The following CSTPP1 variants were observed in gnomAD, a reference collection of about 807,000 sequenced individuals.
CSTPP1 encodes UPF0705 protein C11orf49.
chr11:46,966,793 T>C, the CSTPP1 span, among the ~76,000 whole-genome samples: 1 of 152,242 alleles, frequency 6.6e-6, no homozygotes, highest in Non-Finnish European at 1.5e-5. Context: ...TAATATTTAC[T>C]GTATCTTCAA....
At chr11:47,163,991 T>C in the CSTPP1 span, 1 of 1,348,834 alleles carries the variant, frequency 7.4e-7, no homozygotes, top group South Asian at 1.5e-5. Context: ...CAGTCAAGCC[T>C]ACTGCCGTGA....
the CSTPP1 span, among the ~76,000 whole-genome samples, chr11:47,024,082 C>T: frequency 6.6e-6 from 1 of 150,760 alleles, no homozygotes; most frequent in East Asian, 1.9e-4. Context: ...GAGACAGGGT[C>T]TCACTTTGTT....
the CSTPP1 span, among the ~76,000 whole-genome samples, chr11:47,027,578 A>G: frequency 6.6e-6 from 1 of 152,356 alleles, no homozygotes; most frequent in East Asian, 1.9e-4. Context: ...GAAAGAAACT[A>G]ACTCTGCTAC....
chr11:47,079,160 G>A, the CSTPP1 span, among the ~76,000 whole-genome samples: 2 of 152,124 alleles, frequency 1.3e-5, no homozygotes, highest in African/African-American at 4.8e-5. Context: ...GGGATCATGA[G>A]CAACGAAAAA....
the CSTPP1 span, among the ~76,000 whole-genome samples, chr11:47,063,608 A>T: frequency 6.6e-6 from 1 of 152,276 alleles, no homozygotes; most frequent in East Asian, 1.9e-4. Context: ...TATGTAACTT[A>T]GCATGATGTT....
the CSTPP1 span, among the ~76,000 whole-genome samples, chr11:47,146,234 G>A: frequency 3.3e-5 from 5 of 151,862 alleles, no homozygotes; most frequent in South Asian, 2.1e-4. Context: ...GCATGGTGGC[G>A]GGCGCCTGTA....
chr11:47,095,904 C>T, the CSTPP1 span, among the ~76,000 whole-genome samples: 1 of 152,066 alleles, frequency 6.6e-6, no homozygotes, highest in Non-Finnish European at 1.5e-5. Flanking sequence ...TGTAGATGGA[C>T]AGAGGCCAAG....
the CSTPP1 span, among the ~76,000 whole-genome samples, chr11:47,099,245 C>T: frequency 6.6e-6 from 1 of 152,282 alleles, no homozygotes; most frequent in East Asian, 1.9e-4. Context: ...AATGATACTA[C>T]CTCTGGAAAA....
At chr11:46,972,646 A>G in the CSTPP1 span, among the ~76,000 whole-genome samples, 1 of 152,268 alleles carries the variant, frequency 6.6e-6, no homozygotes, top group Middle Eastern at 3.4e-3. Flanking sequence ...TTGCTACCTC[A>G]TATTTTATGT....
the CSTPP1 span, among the ~76,000 whole-genome samples, chr11:47,131,093 G>A: frequency 6.6e-6 from 1 of 152,124 alleles, no homozygotes; most frequent in Non-Finnish European, 1.5e-5. Flanking sequence ...TTTAGACTGA[G>A]CCCCATTTCA....
chr11:47,056,655 T>C, the CSTPP1 span, among the ~76,000 whole-genome samples: 1 of 152,238 alleles, frequency 6.6e-6, no homozygotes, highest in Non-Finnish European at 1.5e-5. Context: ...TAGGTGTTCC[T>C]AAAATAATTG....
the CSTPP1 span, among the ~76,000 whole-genome samples, chr11:47,022,312 C>A: frequency 1.5e-3 from 212 of 144,810 alleles, 3 homozygotes; most frequent in East Asian, 0.034. Context: ...TGAAGAAAGT[C>A]ATTTCCATTT....
chr11:47,120,684 C>T, the CSTPP1 span, among the ~76,000 whole-genome samples: 1 of 152,212 alleles, frequency 6.6e-6, no homozygotes, highest in Non-Finnish European at 1.5e-5. This position sits in a 1 kb window ranked among gnomAD's most constrained non-coding sequence, Gnocchi z 4.2. Flanking sequence ...GTGCTTGCCT[C>T]TTGCTAGTTA....
the CSTPP1 span, among the ~76,000 whole-genome samples, chr11:46,985,959 C>T: frequency 1.3e-5 from 2 of 152,096 alleles, no homozygotes; most frequent in South Asian, 2.1e-4. Context: ...CTTAAGAGTA[C>T]ATAAGAAGCA....
At chr11:47,095,886 C>T in the CSTPP1 span, among the ~76,000 whole-genome samples, 10 of 152,006 alleles carry the variant, frequency 6.6e-5, no homozygotes, top group Non-Finnish European at 1.3e-4. Flanking sequence ...GCTTCAGTTT[C>T]GAGTAATTGT....
the CSTPP1 span, among the ~76,000 whole-genome samples, chr11:47,116,778 C>G: frequency 1.4e-5 from 2 of 141,050 alleles, no homozygotes; most frequent in Non-Finnish European, 3.0e-5. Context: ...CTCCCGGGTT[C>G]ACGCCATTCT....
At chr11:47,066,113 T>TG in the CSTPP1 span, among the ~76,000 whole-genome samples, 94,621 of 135,724 alleles carry the variant, frequency 0.7, 32,662 homozygotes, top group Non-Finnish European at 0.73. Flanking sequence ...TTTTTTTTTT[T>TG]TTTTGTTTGT....
chr11:47,110,572 T>A, the CSTPP1 span, among the ~76,000 whole-genome samples: 1 of 152,188 alleles, frequency 6.6e-6, no homozygotes, highest in Non-Finnish European at 1.5e-5. Context: ...AGAGACCAAG[T>A]ACTACAAACT....
the CSTPP1 span, among the ~76,000 whole-genome samples, chr11:47,062,895 G>A: frequency 6.6e-6 from 1 of 152,198 alleles, no homozygotes; most frequent in Non-Finnish European, 1.5e-5. Flanking sequence ...CATTCCTGCA[G>A]GGAGACAGTT....
Sources: gnomAD v4.1 joint callset for allele counts (sites outside exome capture counted in the v4.1 genomes callset) on GRCh38, gnomAD v4.1.1 for gene constraint, Gnocchi (gnomAD v3.1) non-coding constraint, MANE v1.5 for transcripts, NCBI Gene and HGNC (gene_info 2026-07-23, HGNC 2026-07-21) for gene names.